Variants in GRIK2 observed in about 807,000 individuals in gnomAD.
GRIK2 encodes the protein glutamate receptor ionotropic, kainate 2.
In GRIK2, 32 loss-of-function variants were observed where a neutral mutation model predicts 100.3. The observed-to-expected ratio is 0.32, with a 90% CI of 0.24 to 0.43. The LOEUF is 0.43. Among genes scored for constraint, GRIK2 ranks in the 20% least tolerant of loss-of-function variants. The probability of loss-of-function intolerance (pLI) is 1.00; values close to 1 mark genes in which losing one functional copy is unlikely to be tolerated. For missense variants in GRIK2, 843 were observed against 1,114.9 expected, an observed-to-expected ratio of 0.76 and a Z score of 3.47; for synonymous variants, 417 against 389.4, an observed-to-expected ratio of 1.07 and a Z score of -0.83.
At chr6:101,587,304 A>T (rs755480858) in intron 2 of GRIK2, among the ~76,000 whole-genome samples, 1 of 152,106 alleles carries the variant, frequency 6.6e-6, no homozygotes, top group African/African-American at 2.4e-5. Context: ...ATGTGACACA[A>T]GTGAAAAAGA....
intron 15 of GRIK2, among the ~76,000 whole-genome samples, chr6:102,038,744 T>G (rs763879035): frequency 4.6e-5 from 7 of 151,414 alleles, no homozygotes; most frequent in Non-Finnish European, 1.0e-4. Flanking sequence ...ATAGCTATAT[T>G]CAAAGCAGAG....
chr6:101,897,419 C>T (rs1360026822), intron 12 of GRIK2, among the ~76,000 whole-genome samples: 2 of 151,580 alleles, frequency 1.3e-5, no homozygotes, highest in Non-Finnish European at 3.0e-5. Context: ...TGTAAGAATA[C>T]ACCTCTCCAG....
chr6:101,594,737 T>C (rs1043435449), intron 2 of GRIK2, among the ~76,000 whole-genome samples: 2 of 151,754 alleles, frequency 1.3e-5, no homozygotes, highest in African/African-American at 4.8e-5. Context: ...GCATTTATAG[T>C]GTAAGTGGAT....
chr6:101,742,362 A>G (rs9390774), intron 7 of GRIK2, among the ~76,000 whole-genome samples: 14,774 of 152,074 alleles, frequency 0.097, 838 homozygotes, highest in South Asian at 0.21. Context: ...ATCAGGGTGG[A>G]CTAAGGTGTG....
intron 2 of GRIK2, among the ~76,000 whole-genome samples, chr6:101,469,434 C>T (rs544885019): frequency 6.6e-6 from 1 of 152,220 alleles, no homozygotes; most frequent in African/African-American, 2.4e-5. Context: ...ACCCACTGGG[C>T]CCGTTTAAAT....
intron 14 of GRIK2, among the ~76,000 whole-genome samples, chr6:102,014,901 G>A (rs1055956281): frequency 6.6e-6 from 1 of 152,128 alleles, no homozygotes; most frequent in Non-Finnish European, 1.5e-5. Context: ...AGAGAAGAAT[G>A]TATATTCTGT....
intron 14 of GRIK2, among the ~76,000 whole-genome samples, chr6:102,005,375 A>C (rs1334125671): frequency 2.0e-5 from 3 of 152,040 alleles, no homozygotes; most frequent in African/African-American, 7.2e-5. Flanking sequence ...TCTTATTTAT[A>C]AATTAGCATA....
intron 3 of GRIK2, among the ~76,000 whole-genome samples, chr6:101,625,864 T>C (rs1780409272): frequency 6.6e-6 from 1 of 152,198 alleles, no homozygotes; most frequent in Admixed American, 6.6e-5. Flanking sequence ...CTAAGAGCTA[T>C]AGCAGGTTTT....
chr6:101,714,203 C>T (rs1054301583), intron 7 of GRIK2, among the ~76,000 whole-genome samples: 2 of 151,324 alleles, frequency 1.3e-5, no homozygotes, highest in Non-Finnish European at 3.0e-5. Context: ...TTTTTTTTGT[C>T]AGGAGAACCA....
chr6:101,498,427 C>G (rs1212351646), intron 2 of GRIK2, among the ~76,000 whole-genome samples: 1 of 151,756 alleles, frequency 6.6e-6, no homozygotes, highest in African/African-American at 2.4e-5. Flanking sequence ...GTTCTAGGTC[C>G]CTGAGGAATC....
intron 12 of GRIK2, among the ~76,000 whole-genome samples, chr6:101,912,203 C>T (rs757981425): frequency 5.3e-5 from 8 of 150,554 alleles, no homozygotes; most frequent in African/African-American, 1.2e-4. Context: ...ATTGGGTATA[C>T]GGCTAACTTG....
intron 14 of GRIK2, among the ~76,000 whole-genome samples, chr6:102,012,784 ATTG>A (rs1482833033): frequency 6.6e-6 from 1 of 151,978 alleles, no homozygotes; most frequent in African/African-American, 2.4e-5. Context: ...GTTCTGTTCC[ATTG>A]GTCTATGTGT....
At chr6:101,764,509 G>C (rs1007787060) in intron 7 of GRIK2, among the ~76,000 whole-genome samples, 2 of 152,098 alleles carry the variant, frequency 1.3e-5, no homozygotes, top group South Asian at 2.1e-4. Context: ...GTGAGAGAAT[G>C]AAGAAATATG....
intron 4 of GRIK2, among the ~76,000 whole-genome samples, chr6:101,656,530 A>G (rs67961642): frequency 0.11 from 17,056 of 152,224 alleles, 1,122 homozygotes; most frequent in Middle Eastern, 0.25. Flanking sequence ...ATAATATTCA[A>G]CCTTTACCAC....
chr6:101,478,139 A>G (rs78012586), intron 2 of GRIK2, among the ~76,000 whole-genome samples: 6,713 of 152,292 alleles, frequency 0.044, 205 homozygotes, highest in South Asian at 0.096. Flanking sequence ...TAATTAATTT[A>G]TTAACAATTA....
chr6:102,043,432 C>T (rs1770704318), intron 15 of GRIK2, among the ~76,000 whole-genome samples: 1 of 151,946 alleles, frequency 6.6e-6, no homozygotes, highest in East Asian at 1.9e-4. Flanking sequence ...CCATTTCTCT[C>T]AACCCTCCAG....
chr6:102,061,965 T>G (rs929593236), intron 16 of GRIK2, among the ~76,000 whole-genome samples: 1 of 150,344 alleles, frequency 6.7e-6, no homozygotes, highest in Non-Finnish European at 1.5e-5. Flanking sequence ...ATGATTAGTA[T>G]TATTTTTTCT....
intron 7 of GRIK2, among the ~76,000 whole-genome samples, chr6:101,729,511 T>G (rs1459461951): frequency 6.6e-6 from 1 of 151,974 alleles, no homozygotes; most frequent in Non-Finnish European, 1.5e-5. Context: ...TATTAGTAAA[T>G]TGCATATTGC....
At chr6:101,559,135 C>A (rs180808360) in intron 2 of GRIK2, among the ~76,000 whole-genome samples, 2 of 152,076 alleles carry the variant, frequency 1.3e-5, no homozygotes, top group African/African-American at 4.8e-5. Context: ...TATGCCATCA[C>A]ATTTTTGTCA....
Sources: allele counts gnomAD v4.1 joint callset (sites outside exome capture counted in the v4.1 genomes callset), GRCh38; gene constraint gnomAD v4.1.1; transcripts MANE v1.5; gene names NCBI Gene and HGNC (gene_info 2026-07-23, HGNC 2026-07-21).